Variants in COL25A1 observed in about 807,000 individuals in gnomAD.
COL25A1 encodes collagen type XXV alpha 1 chain, also known as collagen alpha-1(XXV) chain.
Under a neutral mutation model 128.4 loss-of-function variants are expected in COL25A1, and 103 were observed. The observed-to-expected ratio is 0.80, with a 90% CI of 0.68 to 0.94. The LOEUF is 0.94. Ranked by LOEUF, COL25A1 falls within the 40% of genes least tolerant of loss-of-function variation. The pLI is 0.00. For synonymous variants in COL25A1, 279 were observed against 277.2 expected (o/e 1.01, Z -0.06); for missense variants, 745 against 840.0 (o/e 0.89, Z 1.40).
At chr4:108,996,244 T>C (rs1201373652) in intron 6 of COL25A1, among the ~76,000 whole-genome samples, 3 of 110,808 alleles carry the variant, frequency 2.7e-5, no homozygotes, top group Admixed American at 1.2e-4. Flanking sequence ...CAAAGACACA[T>C]AGGCTCAAAA....
chr4:109,112,523 A>G (rs1433674620), intron 3 of COL25A1, among the ~76,000 whole-genome samples: 2 of 151,932 alleles, frequency 1.3e-5, no homozygotes, highest in Admixed American at 1.3e-4. Context: ...CAGTGTTTCT[A>G]TTCTGCCATG....
chr4:109,135,024 CAAAAAAAAAAAA>C (rs574984369), intron 3 of COL25A1, among the ~76,000 whole-genome samples: 2 of 100,732 alleles, frequency 2.0e-5, no homozygotes, highest in Admixed American at 1.0e-4. Flanking sequence ...ACTTTTCTGT[CAAAAAAAAAAAA>C]AAAAAAAAAA....
chr4:108,942,918 G>C (rs1748307062), intron 8 of COL25A1, among the ~76,000 whole-genome samples: 1 of 151,580 alleles, frequency 6.6e-6, no homozygotes, highest in South Asian at 2.1e-4. Context: ...ACCACGCCCA[G>C]CTAATTTTTG....
chr4:109,169,500 A>G lies in COL25A1; in HGVS notation c.368-119321T>C, dbSNP rs374525219. Among the ~76,000 whole-genome samples the G allele has an allele frequency of 6.6e-5, 10 of 152,276 alleles. No individual in the cohort carries two copies. In the East Asian group the frequency reaches 1.9e-3, roughly 29 times the overall value. On this transcript the variant is annotated intron_variant, in intron 3 of 37. Transcript: ENST00000399132. ...TATCCTTGTGTGTTTGCATATATCTATATCTCTATCACCTGTCTAATGCTT... is the reference window on the plus strand; with the variant it reads ...TATCCTTGTGTGTTTGCATATATCTGTATCTCTATCACCTGTCTAATGCTT...
chr4:108,903,802 G>C (rs567254939), intron 13 of COL25A1, among the ~76,000 whole-genome samples: 1 of 152,136 alleles, frequency 6.6e-6, no homozygotes, highest in African/African-American at 2.4e-5. Flanking sequence ...TTTCACAACA[G>C]CATTGAATAT....
intron 3 of COL25A1, among the ~76,000 whole-genome samples, chr4:109,249,428 G>T (rs1413955038): frequency 7.1e-6 from 1 of 141,300 alleles, no homozygotes; most frequent in Non-Finnish European, 1.6e-5. Flanking sequence ...AACACAGTTA[G>T]ATGCTTGGGG....
intron 35 of COL25A1, among the ~76,000 whole-genome samples, chr4:108,821,675 C>T (rs1183528389): frequency 6.6e-6 from 1 of 152,120 alleles, no homozygotes; most frequent in Admixed American, 6.5e-5. Flanking sequence ...TTTTAGTGAG[C>T]CTCAAGCTTT....
chr4:109,118,361 G>A (rs966745373), intron 3 of COL25A1, among the ~76,000 whole-genome samples: 7 of 118,638 alleles, frequency 5.9e-5, no homozygotes, highest in South Asian at 2.7e-4. Context: ...TTAAACATTC[G>A]CACCACAAAA....
chr4:109,040,000 T>C (rs1019506267), intron 5 of COL25A1, among the ~76,000 whole-genome samples: 8 of 152,188 alleles, frequency 5.3e-5, no homozygotes, highest in Admixed American at 1.3e-4. Context: ...TAACAAAAGA[T>C]GCATGCTTTA....
At chr4:108,972,034 T>C (rs1751964029) in intron 8 of COL25A1, among the ~76,000 whole-genome samples, 4 of 152,334 alleles carry the variant, frequency 2.6e-5, no homozygotes, top group Middle Eastern at 3.4e-3. Context: ...TTACCTCTTA[T>C]GGCTTAATTT....
chr4:109,109,399 A>G lies in COL25A1; in HGVS notation c.368-59220T>C, dbSNP rs535296262. Among the ~76,000 whole-genome samples, 4 of 152,130 alleles carry G rather than the reference A, an allele frequency of 2.6e-5. No individual in the cohort carries two copies. The South Asian group carries it at 8.3e-4, about 32-fold the overall frequency. The stretch of plus-strand genomic sequence containing the variant: ...CTTTCCTCTTTTCATGTCTACCACC[A>G]TCTTTGTATTTTTAGTACAGATGGG... On this transcript the variant is annotated intron_variant, in intron 3 of 37. Coordinates refer to ENST00000399132, the MANE Select transcript of COL25A1 (RefSeq NM_198721.4).
At chr4:108,994,713 G>A (rs1213084554) in intron 6 of COL25A1, among the ~76,000 whole-genome samples, 1 of 152,142 alleles carries the variant, frequency 6.6e-6, no homozygotes. Flanking sequence ...TCCCAGTAGG[G>A]GCCGACAGAC....
At position 108,811,809 on chromosome 4, in the gene COL25A1, ATC is replaced by A. The variant is rs1730818104; in HGVS notation, c.*2116_*2117del. The A allele has an allele frequency of 2.0e-5, 3 of 152,200 alleles. No homozygotes were observed. The highest frequency in any genetic ancestry group is 2.4e-5 in the African/African-American group (1 of 41,458). 9.4% of individuals were successfully genotyped at this position (152,200 alleles called of 1,614,324 possible). ...ATTAGACTGATCTAATAGTTTAAAC[ATC>A]TTTCAACCTTAAAAATTTAATAGAA... On this transcript the variant is annotated 3_prime_UTR_variant, in exon 38 of 38. Coordinates refer to ENST00000399132, the MANE Select transcript of COL25A1 (RefSeq NM_198721.4).
intron 5 of COL25A1, among the ~76,000 whole-genome samples, chr4:109,043,198 T>C (rs1275903217): frequency 1.3e-5 from 2 of 152,054 alleles, no homozygotes; most frequent in African/African-American, 2.4e-5. Flanking sequence ...ACATGGTAGG[T>C]AGCTGCTATA....
intron 3 of COL25A1, among the ~76,000 whole-genome samples, chr4:109,192,414 G>GC: frequency 6.6e-6 from 1 of 152,284 alleles, no homozygotes; most frequent in African/African-American, 2.4e-5. Context: ...GCTGAGTTGT[G>GC]CCCCTCCCCA....
chr4:108,854,791 G>A lies in COL25A1; in HGVS notation c.1321-1866C>T, dbSNP rs188085578. ...AGTGTAAACTAGTTCAACCATTGTG[G>A]AAGACAGTGTGGCAATTCCTCAAGG... On this transcript the variant is annotated intron_variant, in intron 24 of 37. Transcript: ENST00000399132. Among the ~76,000 whole-genome samples the A allele has an allele frequency of 2.3e-3, 356 of 152,274 alleles. 13 individuals carry two copies. In the East Asian group the frequency reaches 0.053, roughly 23 times the overall value.
chr4:109,255,675 G>C (rs1378151319), intron 3 of COL25A1, among the ~76,000 whole-genome samples: 1 of 152,134 alleles, frequency 6.6e-6, no homozygotes, highest in East Asian at 1.9e-4. Context: ...CCCTAAGCCA[G>C]AAGAAAAGTG....
intron 5 of COL25A1, among the ~76,000 whole-genome samples, chr4:109,011,362 TG>T (rs1360760378): frequency 5.9e-5 from 9 of 152,194 alleles, no homozygotes; most frequent in African/African-American, 1.9e-4. Flanking sequence ...CTTAGGTACT[TG>T]TTCTCTAACT....
intron 5 of COL25A1, chr4:109,022,047 GC>G (rs1757819357): frequency 2.5e-6 from 1 of 397,590 alleles, no homozygotes; most frequent in South Asian, 1.8e-5. Flanking sequence ...TCTTCACTCT[GC>G]CTTTTGCCCC....
Sources: gnomAD v4.1 joint callset for allele counts (sites outside exome capture counted in the v4.1 genomes callset) on GRCh38, gnomAD v4.1.1 for gene constraint, MANE v1.5 for transcripts, NCBI Gene and HGNC (gene_info 2026-07-23, HGNC 2026-07-21) for gene names.